Variants in VPS13B observed in about 807,000 individuals in gnomAD.
VPS13B encodes the protein intermembrane lipid transfer protein VPS13B.
VPS13B carries 285 observed loss-of-function variants against 426.4 expected under a neutral mutation model. The ratio of observed to expected loss-of-function variants is 0.67; its 90% CI spans 0.61 to 0.74. The LOEUF is 0.74. Among genes scored for constraint, VPS13B ranks in the 30% least tolerant of loss-of-function variants. The pLI, the probability that VPS13B is intolerant of heterozygous loss-of-function variation, is 0.00. For missense variants in VPS13B, 4,537 were observed against 4,782.6 expected (o/e 0.95, Z 1.51); for synonymous variants, 1,676 against 1,676.4 (o/e 1.00, Z 0.01).
intron 22 of VPS13B, among the ~76,000 whole-genome samples, chr8:99,441,164 GC>G (rs758000127): frequency 1.4e-4 from 22 of 151,892 alleles, no homozygotes; most frequent in Non-Finnish European, 3.1e-4. Context: ...GTTTATTTTT[GC>G]AAAATTTTAC....
intron 31 of VPS13B, among the ~76,000 whole-genome samples, chr8:99,560,788 C>T (rs1228423479): frequency 6.6e-6 from 1 of 152,190 alleles, no homozygotes; most frequent in Non-Finnish European, 1.5e-5. Flanking sequence ...TGATAGCATC[C>T]AGCTTCAAGC....
intron 37 of VPS13B, 87 bp downstream of exon 37, chr8:99,717,460 T>A: frequency 8.0e-7 from 1 of 1,248,288 alleles, no homozygotes; most frequent in Non-Finnish European, 1.2e-6. Context: ...TTTTAAATCT[T>A]TGTGTGGTAA....
At chr8:99,517,159 G>A (rs1478993299) in intron 29 of VPS13B, among the ~76,000 whole-genome samples, 2 of 152,152 alleles carry the variant, frequency 1.3e-5, no homozygotes, top group African/African-American at 4.8e-5. Context: ...GACTTCAGAT[G>A]TTTTACTAAA....
At chr8:99,039,760 A>G (rs1284171897) in intron 3 of VPS13B, among the ~76,000 whole-genome samples, 2 of 152,126 alleles carry the variant, frequency 1.3e-5, no homozygotes, top group Non-Finnish European at 2.9e-5. Flanking sequence ...TGAGTGCCAT[A>G]TCAACCCAGT....
At chr8:99,393,397 T>C (rs1001174919) in intron 21 of VPS13B, among the ~76,000 whole-genome samples, 2 of 152,100 alleles carry the variant, frequency 1.3e-5, no homozygotes. Context: ...GAAAACATAA[T>C]TTCTCATCAT....
chr8:99,101,420 C>G (rs1371690548), intron 4 of VPS13B, among the ~76,000 whole-genome samples: 2 of 152,198 alleles, frequency 1.3e-5, no homozygotes, highest in African/African-American at 4.8e-5. Context: ...GCGTGAGCCA[C>G]CGTGCTTGGC....
chr8:99,014,692 C>CAAAAAAAAAAAAAAA (rs574786628), intron 2 of VPS13B, among the ~76,000 whole-genome samples: 1 of 61,230 alleles, frequency 1.6e-5, no homozygotes, highest in African/African-American at 4.5e-5. Flanking sequence ...GAAAAAAAGA[C>CAAAAAAAAAAAAAAA]AAAAAAAAAA....
chr8:99,302,819 A>G (rs1434920104), intron 19 of VPS13B, among the ~76,000 whole-genome samples: 1 of 152,008 alleles, frequency 6.6e-6, no homozygotes, highest in Non-Finnish European at 1.5e-5. Context: ...TGAATACTCT[A>G]TTGAAAGTAA....
Position 99,680,112 on chromosome 8 carries a change from T to C in VPS13B, c.6046+18621T>C, listed in dbSNP as rs114111655. The stretch of plus-strand genomic sequence containing the variant: ...AATAAAATTCCACAGGAAGAAACAC[T>C]TAACAAAGAAGTTTTCTTTCATAAA... On this transcript the variant is annotated intron_variant, in intron 35 of 61. Coordinates refer to ENST00000357162, the MANE Select transcript of VPS13B (RefSeq NM_152564.5). Among the ~76,000 whole-genome samples the C allele has an allele frequency of 7.1e-3, 1,087 of 152,284 alleles. 14 individuals carry two copies. The highest frequency in any genetic ancestry group is 0.025 in the African/African-American group (1,041 of 41,560).
intron 58 of VPS13B, among the ~76,000 whole-genome samples, chr8:99,865,054 C>T (rs1476055047): frequency 2.6e-5 from 4 of 152,226 alleles, no homozygotes; most frequent in Admixed American, 6.5e-5. Flanking sequence ...CATGCCCAGC[C>T]GCACTGCCCC....
chr8:99,599,785 C>T (rs1214119458), intron 33 of VPS13B, among the ~76,000 whole-genome samples: 1 of 152,086 alleles, frequency 6.6e-6, no homozygotes, highest in Non-Finnish European at 1.5e-5. Flanking sequence ...AAAATAAACA[C>T]CATGGCTTAA....
intron 19 of VPS13B, among the ~76,000 whole-genome samples, chr8:99,304,885 T>A (rs772483188): frequency 6.6e-6 from 1 of 152,098 alleles, no homozygotes; most frequent in South Asian, 2.1e-4. Flanking sequence ...CCCCTCCCAA[T>A]GTTTTCTGTA....
chr8:99,171,424 A>G (rs1030796844), intron 16 of VPS13B, among the ~76,000 whole-genome samples: 8 of 152,028 alleles, frequency 5.3e-5, no homozygotes, highest in African/African-American at 1.9e-4. Flanking sequence ...GGACCAAAAT[A>G]GTTTTATTGC....
At chr8:99,721,945 C>T (rs542617555) in intron 39 of VPS13B, among the ~76,000 whole-genome samples, 22 of 152,330 alleles carry the variant, frequency 1.4e-4, no homozygotes, top group African/African-American at 5.1e-4. Flanking sequence ...AGCAGCTAAA[C>T]TGATATTTTT....
intron 20 of VPS13B, among the ~76,000 whole-genome samples, chr8:99,384,686 A>G (rs902444915): frequency 6.6e-6 from 1 of 152,126 alleles, no homozygotes; most frequent in African/African-American, 2.4e-5. Context: ...TTTGAGACAC[A>G]GTTTCACTCT....
intron 59 of VPS13B, among the ~76,000 whole-genome samples, 194 bp downstream of exon 59, chr8:99,868,659 G>A (rs1041024798): frequency 2.0e-5 from 3 of 152,190 alleles, no homozygotes; most frequent in African/African-American, 7.2e-5. Context: ...CCAGTTACTA[G>A]TTTCAGTCTA....
rs1426023281 is a variant in VPS13B, at chr8:99,015,319, C to A, written c.147+1384C>A. Among the ~76,000 whole-genome samples, 7 of 150,126 alleles carry A rather than the reference C, an allele frequency of 4.7e-5. No individual in the cohort carries two copies. In the South Asian group the frequency reaches 1.1e-3, roughly 23 times the overall value. On this transcript the variant is annotated intron_variant, in intron 2 of 61. Coordinates refer to ENST00000357162, the MANE Select transcript of VPS13B (RefSeq NM_152564.5). ...GCAAGCTCCATCTCCCGGGTTCATG[C>A]CATTCTCCTGACTCAGCCTCCTGAG...
At chr8:99,794,897 GCT>G (rs1812731426) in intron 43 of VPS13B, among the ~76,000 whole-genome samples, 1 of 152,124 alleles carries the variant, frequency 6.6e-6, no homozygotes, top group Non-Finnish European at 1.5e-5. Flanking sequence ...TGTTTGACTA[GCT>G]CTCTGAGCCA....
At chr8:99,369,087 G>A (rs939439311) in intron 19 of VPS13B, among the ~76,000 whole-genome samples, 1 of 152,136 alleles carries the variant, frequency 6.6e-6, no homozygotes, top group African/African-American at 2.4e-5. Flanking sequence ...TGTGAGGCAT[G>A]TTAACCCTAC....
Sources: allele counts gnomAD v4.1 joint callset (sites outside exome capture counted in the v4.1 genomes callset), GRCh38; gene constraint gnomAD v4.1.1; transcripts MANE v1.5; gene names NCBI Gene and HGNC (gene_info 2026-07-23, HGNC 2026-07-21).